ZFHX3: variants seen among roughly 807,000 people sequenced by gnomAD.
ZFHX3 encodes zinc finger homeobox protein 3.
In ZFHX3, 42 loss-of-function variants were observed where a neutral mutation model predicts 279.1. That is an observed-to-expected ratio of 0.15 (90% CI 0.12 to 0.19). The LOEUF is 0.19. Among genes scored for constraint, ZFHX3 ranks in the 10% least tolerant of loss-of-function variants. The probability of loss-of-function intolerance (pLI) is 1.00; values close to 1 mark genes in which losing one functional copy is unlikely to be tolerated. For synonymous variants in ZFHX3, 2,293 were observed against 1,957.8 expected (o/e 1.17, Z -4.52); for missense variants, 4,981 against 4,754.0 (o/e 1.05, Z -1.40).
intron 4 of ZFHX3, among the ~76,000 whole-genome samples, chr16:73,313,060 T>C (rs2015362015): frequency 6.6e-6 from 1 of 152,146 alleles, no homozygotes; most frequent in South Asian, 2.1e-4. Context: ...GACTGGATCA[T>C]GGGGGCAGAT....
At chr16:72,837,816 G>A (rs983872476) in intron 4 of ZFHX3, among the ~76,000 whole-genome samples, 22 of 152,174 alleles carry the variant, frequency 1.4e-4, no homozygotes, top group African/African-American at 5.3e-4. Context: ...TGCCCAGGCT[G>A]GTCTCAAACT....
intron 3 of ZFHX3, among the ~76,000 whole-genome samples, chr16:72,924,880 G>C (rs7193403): frequency 0.29 from 43,342 of 151,896 alleles, 6,621 homozygotes; most frequent in African/African-American, 0.34. Context: ...GGGCACTTCT[G>C]TCCTATGGGA....
chr16:72,890,497 T>G (rs1369690317), intron 3 of ZFHX3, among the ~76,000 whole-genome samples: 2 of 108,410 alleles, frequency 1.8e-5, no homozygotes, highest in South Asian at 2.6e-4. Context: ...CCTTAGAGGG[T>G]TTTTTTTTTT....
chr16:73,535,891 T>G (rs1434046886), intron 2 of ZFHX3, among the ~76,000 whole-genome samples: 2 of 151,884 alleles, frequency 1.3e-5, no homozygotes, highest in East Asian at 3.9e-4. Flanking sequence ...CCCGGCTAAT[T>G]TTTTTTACTT....
intron 2 of ZFHX3, among the ~76,000 whole-genome samples, chr16:73,604,488 G>A (rs1488380237): frequency 6.6e-6 from 1 of 152,156 alleles, no homozygotes; most frequent in African/African-American, 2.4e-5. Flanking sequence ...ACTCACGCCT[G>A]TAATCCCAGC....
chr16:73,856,355 A>G (rs1961726916), intron 1 of ZFHX3, among the ~76,000 whole-genome samples: 1 of 152,228 alleles, frequency 6.6e-6, no homozygotes, highest in African/African-American at 2.4e-5. Flanking sequence ...CTGAAAAACA[A>G]GGTTGGACGC....
intron 1 of ZFHX3, among the ~76,000 whole-genome samples, chr16:73,032,548 G>A (rs1024012344): frequency 5.9e-5 from 9 of 152,044 alleles, no homozygotes; most frequent in Non-Finnish European, 1.0e-4. Flanking sequence ...ACTTCTCTTC[G>A]TCCCCAAAAA....
At chr16:73,480,786 T>C (rs959140678) in intron 2 of ZFHX3, among the ~76,000 whole-genome samples, 3 of 152,026 alleles carry the variant, frequency 2.0e-5, no homozygotes, top group Admixed American at 6.6e-5. Flanking sequence ...ACTAGCTTGT[T>C]CCATTTTTGG....
intron 1 of ZFHX3, among the ~76,000 whole-genome samples, chr16:73,687,530 C>T (rs781192362): frequency 7.2e-5 from 11 of 152,056 alleles, no homozygotes; most frequent in Non-Finnish European, 1.6e-4. Context: ...GAAATGCCAT[C>T]ATTAGCATCC....
intron 3 of ZFHX3, among the ~76,000 whole-genome samples, chr16:72,942,134 G>A (rs1960438673): frequency 6.6e-6 from 1 of 152,166 alleles, no homozygotes; most frequent in Non-Finnish European, 1.5e-5. Context: ...AGAAACACCT[G>A]TTGGGACTAG....
At chr16:72,912,259 C>T (rs1221333128) in intron 3 of ZFHX3, among the ~76,000 whole-genome samples, 1 of 152,182 alleles carries the variant, frequency 6.6e-6, no homozygotes, top group African/African-American at 2.4e-5. Context: ...TTAACATCCT[C>T]ATTAATTATC....
In ZFHX3 at chr16:72,824,651, C is replaced by A. The variant is rs182188519; in HGVS notation, c.3529+5128G>T. On this transcript the variant is annotated intron_variant, in intron 5 of 9. Coordinates refer to ENST00000268489, the MANE Select transcript of ZFHX3 (RefSeq NM_006885.4). ...GGTACTCTGTGGCTGGAAACCATGA[C>A]GACTACAGGAATTAAATAACCATCT... Among the ~76,000 whole-genome samples the A allele has an allele frequency of 2.0e-5, 3 of 152,240 alleles. No homozygotes were observed. The East Asian group carries it at 5.8e-4, about 29-fold the overall frequency.
intron 2 of ZFHX3, chr16:73,487,596 G>A (rs1365713149): frequency 3.2e-5 from 10 of 307,800 alleles, no homozygotes; most frequent in African/African-American, 4.4e-5. Context: ...TTGTAGACAC[G>A]GGTTCTCACT....
At chr16:73,211,535 C>T (rs1242145485) in intron 5 of ZFHX3, among the ~76,000 whole-genome samples, 1 of 152,212 alleles carries the variant, frequency 6.6e-6, no homozygotes, top group South Asian at 2.1e-4. Context: ...ATACCTGTAT[C>T]ACTAATGAAG....
At chr16:72,944,688 T>C (rs975218162) in intron 3 of ZFHX3, among the ~76,000 whole-genome samples, 1 of 152,204 alleles carries the variant, frequency 6.6e-6, no homozygotes, top group Non-Finnish European at 1.5e-5. Flanking sequence ...ATTACTCATA[T>C]TACTTTAACT....
intron 2 of ZFHX3, among the ~76,000 whole-genome samples, chr16:73,507,744 T>C (rs897124088): frequency 4.0e-5 from 6 of 151,894 alleles, no homozygotes; most frequent in Non-Finnish European, 7.4e-5. Context: ...CAAGCAATCC[T>C]CCCACCTTGG....
At chr16:73,019,169 C>T (rs925565462) in intron 1 of ZFHX3, among the ~76,000 whole-genome samples, 2 of 152,176 alleles carry the variant, frequency 1.3e-5, no homozygotes, top group African/African-American at 2.4e-5. Context: ...AGGCAAGGAC[C>T]GAGTGGCCAG....
At chr16:73,250,628 G>A (rs1357063744) in intron 5 of ZFHX3, among the ~76,000 whole-genome samples, 2 of 152,126 alleles carry the variant, frequency 1.3e-5, no homozygotes, top group African/African-American at 2.4e-5. Flanking sequence ...CCAGCTCCTG[G>A]ATTCACGCCA....
chr16:73,682,918 G>GAGAA (rs1465022366), intron 1 of ZFHX3, among the ~76,000 whole-genome samples: 395 of 39,308 alleles, frequency 0.01, 35 homozygotes, highest in African/African-American at 0.019. Flanking sequence ...GAAAGAAAGA[G>GAGAA]AGAAAGAGAA....
Sources: allele counts gnomAD v4.1 joint callset (sites outside exome capture counted in the v4.1 genomes callset), GRCh38; gene constraint gnomAD v4.1.1; transcripts MANE v1.5; gene names NCBI Gene and HGNC (gene_info 2026-07-23, HGNC 2026-07-21).